TMEM175: variants seen among roughly 807,000 people sequenced by gnomAD.
TMEM175 encodes transmembrane protein 175, also known as endosomal/lysosomal proton channel TMEM175.
TMEM175 carries 36 observed loss-of-function variants against 36.5 expected under a neutral mutation model. The observed-to-expected ratio is 0.99, with a 90% CI of 0.76 to 1.30. The LOEUF (loss-of-function observed/expected upper bound fraction) is 1.30, where lower values mean the gene tolerates loss of function less well. Among genes scored for constraint, TMEM175 ranks in the 50% most tolerant of loss-of-function variants. The pLI is 0.00. For missense variants in TMEM175, 705 were observed against 692.8 expected (o/e 1.02, Z -0.20); for synonymous variants, 339 against 313.4 (o/e 1.08, Z -0.86).
In TMEM175 at chr4:948,964, C is replaced by T. The variant is rs76035416; in HGVS notation, c.192+810C>T. The stretch of plus-strand genomic sequence containing the variant: ...CATAGGGTTTTCATAAGTAGAAATG[C>T]GGGTGGAGCCTGGCCCAGTCTGCAG... On this transcript the variant is annotated intron_variant, in intron 3 of 10. Transcript: ENST00000264771. Among the ~76,000 whole-genome samples the T allele has an allele frequency of 7.7e-4, 117 of 152,246 alleles. 3 individuals are homozygous for T. The East Asian group carries it at 0.018, about 23-fold the overall frequency.
chr4:944,483 C>T (rs2152999150), intron 1 of TMEM175, among the ~76,000 whole-genome samples: 1 of 152,226 alleles, frequency 6.6e-6, no homozygotes, highest in African/African-American at 2.4e-5. Context: ...GGGCATAGAG[C>T]AAAAGCCCCC....
In TMEM175 at chr4:956,368, C is replaced by T. The variant is rs189457645; in HGVS notation, c.842+478C>T. The T allele has an allele frequency of 3.6e-4, 460 of 1,291,370 alleles. 4 individuals are homozygous for T. In the East Asian group the frequency reaches 0.02, roughly 56 times the overall value. The allele number at this position is 1,291,370 out of a possible 1,614,324, so 80.0% of individuals were successfully genotyped here. On this transcript the variant is annotated intron_variant, in intron 10 of 10. Coordinates refer to ENST00000264771, the MANE Select transcript of TMEM175 (RefSeq NM_032326.4). ...TTGCTTCCTTCCAGCGTCTGCTCCT[C>T]CGCGGCCTCATCTGCCTCTTCGTCT... is the stretch of plus-strand genomic sequence containing the variant.
chr4:948,118 C>A lies in TMEM175; in HGVS notation c.156C>A (p.Ile52=), dbSNP rs759121824. The A allele has an allele frequency of 9.3e-6, 15 of 1,614,126 alleles. No individual in the cohort carries two copies. In the Admixed American group the frequency reaches 2.3e-4, roughly 25 times the overall value. The part of the protein sequence containing the change: ...ALLSIIATVM[I]LPVTHTEISP... ...CTTCTGTCTCTTTGCCCCCTCAGAT[C>A]CTGCCTGTGACCCACACGGAGATCT... The change falls in exon 3 of 11, where the codon ATC becomes ATA. Residue 52 remains isoleucine, a splice_region_variant and synonymous_variant. Transcript: ENST00000264771.
At chr4:952,473 ACTGT>A (rs1349825325) in intron 7 of TMEM175, 23 bp downstream of exon 7, 1 of 1,351,076 alleles carries the variant, frequency 7.4e-7, no homozygotes, top group Non-Finnish European at 1.0e-6. Context: ...GGGGGCCTGC[ACTGT>A]GTGTGTGTGT....
In TMEM175 at chr4:953,216, C is replaced by T; in HGVS notation, c.489C>T (p.His163=). The T allele has an allele frequency of 6.2e-7, 1 of 1,612,722 alleles. No individual in the cohort carries two copies. Among genetic ancestry groups the T allele is most frequent in the Non-Finnish European group, 8.5e-7 (1 of 1,179,264 alleles). The change falls in exon 8 of 11, where the codon CAC becomes CAT. Residue 163 remains histidine (H), a synonymous_variant. Transcript: ENST00000264771. The part of the protein sequence containing the change: ...VQALIVGYAF[H]FPHLLSPQIQ... ...CACTGATTGTGGGGTACGCATTCCA[C>T]TTCCCGCACCTGCTGAGCCCGCAGA...
intron 10 of TMEM175, among the ~76,000 whole-genome samples, chr4:957,282 G>A (rs1243010930): frequency 1.3e-5 from 2 of 152,074 alleles, no homozygotes; most frequent in African/African-American, 2.4e-5. Context: ...CACTGTTCCC[G>A]GCTTTCTGGG....
chr4:936,079 C>T (rs774533066), intron 1 of TMEM175, among the ~76,000 whole-genome samples: 13 of 152,244 alleles, frequency 8.5e-5, no homozygotes, highest in African/African-American at 2.2e-4. Flanking sequence ...TGGCTGGGCA[C>T]GGTAGCTCAC....
chr4:948,039 A>G, intron 2 of TMEM175, 77 bp from the exon 3 acceptor site: 1 of 1,612,078 alleles, frequency 6.2e-7, no homozygotes, highest in South Asian at 1.1e-5. Context: ...ACTGCCCTCG[A>G]GTCCCCAGTA....
chr4:952,068 C>T, intron 6 of TMEM175: 2 of 583,094 alleles, frequency 3.4e-6, no homozygotes, highest in Non-Finnish European at 6.1e-6. Context: ...CAAATTCTGG[C>T]AGTGGCCGCT....
At chr4:952,235 C>A in intron 6 of TMEM175, 132 bp from the exon 7 acceptor site, 1 of 773,648 alleles carries the variant, frequency 1.3e-6, no homozygotes, top group South Asian at 1.6e-5. Flanking sequence ...CCAGCTGGCG[C>A]CATCCTGTGA....
chr4:950,409 C>G lies in TMEM175; in HGVS notation c.193-12C>G. 1 of 1,606,312 alleles carries G rather than the reference C, an allele frequency of 6.2e-7. No individual in the cohort carries two copies. The highest frequency in any genetic ancestry group is 8.5e-7 in the Non-Finnish European group (1 of 1,172,970). On this transcript the variant is annotated splice_polypyrimidine_tract_variant and intron_variant, in intron 3 of 10. Coordinates refer to ENST00000264771, the MANE Select transcript of TMEM175 (RefSeq NM_032326.4). ...TCACCTGGGCTCTGACAGCAGTGCT[C>G]TTGTATTCCAGCAGTTCGACAGAAG...
rs1229547117 is a variant in TMEM175 at position 952,350 on chromosome 4, T to G, written c.379-17T>G. On this transcript the variant is annotated splice_polypyrimidine_tract_variant and intron_variant, in intron 6 of 10. Coordinates refer to ENST00000264771, the MANE Select transcript of TMEM175 (RefSeq NM_032326.4). ...CCTAGGATTTGGGGGGGTTTGGTTT[T>G]GTTTTTGTTTTAACAGTTTTCGTTA... 1.2e-6 allele frequency: 2 copies of G among 1,610,004 alleles called. No homozygotes were observed. The highest frequency in any genetic ancestry group is 2.7e-5 in the African/African-American group (2 of 74,912).
Position 958,062 on chromosome 4 carries a change from C to G in TMEM175, c.1081C>G (p.Gln361Glu), listed in dbSNP as rs1466702878. The change falls in exon 11 of 11, where the codon CAG becomes GAG. Residue 361 changes from glutamine to glutamate, a missense_variant. Physicochemically the swap from Gln to Glu is conservative, Grantham distance 29. Transcript: ENST00000264771. ...FVGGLPLAYQ[Q>E]TSAFARQPRD... is the part of the protein sequence containing the mutation. The stretch of plus-strand genomic sequence containing the variant: ...GGGTGGCCTCCCACTAGCCTACCAG[C>G]AGACCTCGGCCTTCGCCCGGCAGCC... The G allele has an allele frequency of 6.2e-7, 1 of 1,609,964 alleles. No individual in the cohort carries two copies. The highest frequency in any genetic ancestry group is 8.5e-7 in the Non-Finnish European group (1 of 1,179,462).
intron 1 of TMEM175, 129 bp from the exon 2 acceptor site, chr4:947,580 C>T (rs1728336032): frequency 4.2e-6 from 3 of 710,096 alleles, no homozygotes; most frequent in Non-Finnish European, 6.9e-6. Flanking sequence ...GCAGCGTGGA[C>T]CCTTCCCCTG....
chr4:935,768 AC>A lies in TMEM175; in HGVS notation c.-32+3229del, dbSNP rs752742835. On this transcript the variant is annotated intron_variant, in intron 1 of 10. Transcript: ENST00000264771. ...GCCTGATCATATTCTGTTCTATTAA[AC>A]AAGTATGTTATCTGACCAGAATGAT... 1.1e-4 allele frequency among the ~76,000 whole-genome samples: 16 copies of A among 152,368 alleles called. No homozygotes were observed. The South Asian group carries it at 3.3e-3, about 32-fold the overall frequency.
chr4:938,497 C>T (rs1727064303), intron 1 of TMEM175, among the ~76,000 whole-genome samples: 2 of 151,162 alleles, frequency 1.3e-5, no homozygotes, highest in South Asian at 2.1e-4. Context: ...GAGTGAGACT[C>T]GGTCTCCAAA....
intron 1 of TMEM175, among the ~76,000 whole-genome samples, chr4:937,528 A>G (rs1042303185): frequency 6.6e-6 from 1 of 152,194 alleles, no homozygotes; most frequent in Non-Finnish European, 1.5e-5. Flanking sequence ...GTGCCATTGC[A>G]CTCCAACCTG....
intron 3 of TMEM175, chr4:948,356 T>C: frequency 6.5e-7 from 1 of 1,533,950 alleles, no homozygotes; most frequent in South Asian, 1.2e-5. Context: ...GCGGAGGTCC[T>C]GGCCTCCTGG....
intron 1 of TMEM175, among the ~76,000 whole-genome samples, chr4:943,621 C>T (rs918846403): frequency 6.6e-6 from 1 of 152,154 alleles, no homozygotes; most frequent in Admixed American, 6.5e-5. Context: ...TCATGCCTGT[C>T]GGTGGGAATG....
Sources: allele counts gnomAD v4.1 joint callset (sites outside exome capture counted in the v4.1 genomes callset), GRCh38; gene constraint gnomAD v4.1.1; transcripts MANE v1.5; gene names NCBI Gene and HGNC (gene_info 2026-07-23, HGNC 2026-07-21).